The following P2RY12 variants were observed in gnomAD, a reference collection of about 807,000 sequenced individuals.
P2RY12 encodes purinergic receptor P2Y12.
A neutral mutation model predicts 4.5 loss-of-function variants in P2RY12; 3 were observed. The ratio of observed to expected loss-of-function variants is 0.67; its 90% CI spans 0.31 to 1.74. P2RY12 has a LOEUF of 1.74. P2RY12 is among the 40% of genes most tolerant of loss of function. P2RY12 has a pLI of 0.09. For synonymous variants in P2RY12, 148 were observed against 154.1 expected (o/e 0.96, Z 0.29); for missense variants, 356 against 407.8 (o/e 0.87, Z 1.09).
chr3:151,368,410 G>T (rs1418755410), intron 1 of P2RY12, among the ~76,000 whole-genome samples: 2 of 152,112 alleles, frequency 1.3e-5, no homozygotes, highest in African/African-American at 4.8e-5. Flanking sequence ...TGAGAGGGCT[G>T]TCAGCACCTT....
At chr3:151,340,198 T>C (rs552240441) in intron 2 of P2RY12, among the ~76,000 whole-genome samples, 2 of 152,296 alleles carry the variant, frequency 1.3e-5, no homozygotes, top group Non-Finnish European at 2.9e-5. Context: ...GCTACTGCTG[T>C]GTGGTCTTAG....
At chr3:151,377,256 T>C in intron 1 of P2RY12, 1 of 1,163,286 alleles carries the variant, frequency 8.6e-7, no homozygotes, top group Admixed American at 2.3e-5. Context: ...CACAGTGATT[T>C]TTCTTTAAGT....
At chr3:151,371,517 T>C (rs1756184872) in intron 1 of P2RY12, among the ~76,000 whole-genome samples, 1 of 152,248 alleles carries the variant, frequency 6.6e-6, no homozygotes, top group South Asian at 2.1e-4. Context: ...TTTATTCCTC[T>C]CCTCTGCTTA....
rs9853284 is a variant in P2RY12, at chr3:151,368,629, T to C, written c.-180+16063A>G. 5.3e-3 allele frequency among the ~76,000 whole-genome samples: 490 copies of C among 92,848 alleles called. 12 individuals carry two copies. Among genetic ancestry groups the C allele is most frequent in the East Asian group, 0.045 (161 of 3,602 alleles). The allele number at this position is 92,848 out of a possible 152,430, so 60.9% of individuals were successfully genotyped here. On this transcript the variant is annotated intron_variant, in intron 1 of 2. Transcript: ENST00000302632. ...TATTTTATTTTATTTTATTTTATTT[T>C]ATTTCATTTCATTTCATTTCATTTC...
At chr3:151,342,426 G>A (rs1751978537) in intron 1 of P2RY12, among the ~76,000 whole-genome samples, 1 of 152,120 alleles carries the variant, frequency 6.6e-6, no homozygotes, top group African/African-American at 2.4e-5. Flanking sequence ...ATCTTCATTG[G>A]TTTTCACAGT....
intron 1 of P2RY12, chr3:151,365,747 G>A (rs1445702887): frequency 2.9e-6 from 3 of 1,048,564 alleles, no homozygotes; most frequent in Non-Finnish European, 4.0e-6. Context: ...CTAAGAAAAT[G>A]ACTTGTTTGA....
At chr3:151,354,098 G>A (rs1467739773) in intron 1 of P2RY12, among the ~76,000 whole-genome samples, 5 of 119,418 alleles carry the variant, frequency 4.2e-5, no homozygotes, top group Admixed American at 1.2e-4. Flanking sequence ...CCGAGATCCC[G>A]CCACTGCACT....
Position 151,376,763 on chromosome 3 carries a change from A to T in P2RY12, c.-180+7929T>A. ...AAATTACTGTATTTTAACACATTTG[A>T]TACCCATAATGTTTTAATTCTTTCC... On this transcript the variant is annotated intron_variant, in intron 1 of 2. Coordinates refer to ENST00000302632, the MANE Select transcript of P2RY12 (RefSeq NM_022788.5). 4.0e-6 allele frequency: 6 copies of T among 1,506,418 alleles called. No homozygotes were observed. In the East Asian group the frequency reaches 9.0e-5, roughly 23 times the overall value. The allele number at this position is 1,506,418 out of a possible 1,614,324, so 93.3% of individuals were successfully genotyped here. A position where few individuals can be genotyped will look rare whatever the true frequency, so the allele number is the denominator to read the frequency against.
intron 1 of P2RY12, 160 bp from the exon 2 acceptor site, chr3:151,340,920 T>G (rs1751737905): frequency 3.9e-5 from 6 of 152,176 alleles, no homozygotes. Flanking sequence ...GGCTGAGAAG[T>G]CATCTTTTAA....
chr3:151,356,693 A>G (rs1026194558), intron 1 of P2RY12, among the ~76,000 whole-genome samples: 1 of 151,930 alleles, frequency 6.6e-6, no homozygotes, highest in Non-Finnish European at 1.5e-5. Context: ...ATGAAAGTTT[A>G]TTTGCTCTTT....
chr3:151,366,549 G>T (rs1326323192), intron 1 of P2RY12, among the ~76,000 whole-genome samples: 3 of 152,138 alleles, frequency 2.0e-5, no homozygotes, highest in Non-Finnish European at 4.4e-5. Context: ...ATATCATGTT[G>T]CATCCATGAT....
At chr3:151,360,824 T>G (rs953721888) in intron 1 of P2RY12, among the ~76,000 whole-genome samples, 2 of 151,974 alleles carry the variant, frequency 1.3e-5, no homozygotes, top group Non-Finnish European at 2.9e-5. Context: ...TGATCATAGG[T>G]TTTTTTTCCC....
intron 1 of P2RY12, chr3:151,376,209 C>T (rs758340620): frequency 1.3e-6 from 2 of 1,577,636 alleles, no homozygotes; most frequent in South Asian, 1.2e-5. Flanking sequence ...TAAGCGTATT[C>T]TTCAGGTCAG....
intron 1 of P2RY12, among the ~76,000 whole-genome samples, chr3:151,346,118 T>G (rs1033115548): frequency 3.3e-5 from 5 of 152,208 alleles, no homozygotes; most frequent in Admixed American, 6.5e-5. Context: ...GGCCAAGGAA[T>G]GATTTGAGCT....
intron 1 of P2RY12, among the ~76,000 whole-genome samples, chr3:151,355,626 G>A (rs1303555976): frequency 1.3e-5 from 2 of 152,138 alleles, no homozygotes; most frequent in African/African-American, 4.8e-5. Context: ...AAATGGTTGT[G>A]TCTAAAAATT....
chr3:151,369,521 T>C (rs1755922335), intron 1 of P2RY12: 6 of 1,611,534 alleles, frequency 3.7e-6, no homozygotes, highest in Non-Finnish European at 5.1e-6. Context: ...GAGCCGTGTT[T>C]GCTGTCTTAA....
intron 1 of P2RY12, among the ~76,000 whole-genome samples, chr3:151,378,639 A>G (rs939975695): frequency 6.6e-6 from 1 of 152,124 alleles, no homozygotes; most frequent in Non-Finnish European, 1.5e-5. Flanking sequence ...CGGCCACCAC[A>G]ACTAATGTTT....
intron 1 of P2RY12, among the ~76,000 whole-genome samples, chr3:151,369,115 G>A (rs535754655): frequency 6.6e-6 from 1 of 152,280 alleles, no homozygotes; most frequent in East Asian, 1.9e-4. Flanking sequence ...TAGGGGCGTT[G>A]GTGAAGTCTG....
chr3:151,339,966 T>C (rs551001872), intron 2 of P2RY12, among the ~76,000 whole-genome samples: 2 of 152,244 alleles, frequency 1.3e-5, no homozygotes, highest in Admixed American at 6.6e-5. Flanking sequence ...AAAATAACTT[T>C]CGTGTAAAAG....
Sources: allele counts gnomAD v4.1 joint callset (sites outside exome capture counted in the v4.1 genomes callset), GRCh38; gene constraint gnomAD v4.1.1; transcripts MANE v1.5; gene names NCBI Gene and HGNC (gene_info 2026-07-23, HGNC 2026-07-21).